SEMA3D: variants seen among roughly 807,000 people sequenced by gnomAD.
SEMA3D encodes semaphorin-3D.
In SEMA3D, 84 loss-of-function variants were observed where a neutral mutation model predicts 100.1. The observed-to-expected ratio is 0.84, with a 90% CI of 0.70 to 1.01. The LOEUF is 1.01. SEMA3D is among the 50% of genes least tolerant of loss of function. SEMA3D has a pLI of 0.00. For missense variants in SEMA3D, 875 were observed against 934.1 expected (o/e 0.94, Z 0.82); for synonymous variants, 312 against 320.7 (o/e 0.97, Z 0.29).
At chr7:85,134,610 T>G (rs1302826140) in intron 2 of SEMA3D, among the ~76,000 whole-genome samples, 1 of 152,030 alleles carries the variant, frequency 6.6e-6, no homozygotes, top group East Asian at 1.9e-4. Flanking sequence ...TTACTTCTTT[T>G]GAACCACATG....
At chr7:85,122,334 C>T (rs763635908) in intron 2 of SEMA3D, among the ~76,000 whole-genome samples, 3 of 151,880 alleles carry the variant, frequency 2.0e-5, no homozygotes, top group Non-Finnish European at 4.4e-5. Flanking sequence ...ATTTTCCCAT[C>T]GCTCTTGTTT....
intron 12 of SEMA3D, among the ~76,000 whole-genome samples, chr7:85,034,092 G>A (rs1235238890): frequency 6.6e-6 from 1 of 152,018 alleles, no homozygotes; most frequent in Non-Finnish European, 1.5e-5. Flanking sequence ...GCAAGTTACT[G>A]TACCTGTCGG....
chr7:85,199,929 T>A, the SEMA3D span, among the ~76,000 whole-genome samples: 9 of 152,146 alleles, frequency 5.9e-5, no homozygotes, highest in Admixed American at 5.9e-4. Context: ...TCTTACGAGA[T>A]CTGATGGTTT....
At chr7:85,049,150 C>G (rs1791088444) in intron 9 of SEMA3D, among the ~76,000 whole-genome samples, 1 of 151,208 alleles carries the variant, frequency 6.6e-6, no homozygotes, top group African/African-American at 2.4e-5. Context: ...ACTCAAACAT[C>G]TAAGGCAAAG....
chr7:85,181,739 T>C, intron 1 of SEMA3D: 1 of 969,066 alleles, frequency 1.0e-6, no homozygotes, highest in Non-Finnish European at 1.2e-6. Context: ...CTTATTGAGC[T>C]TTGCAAATGA....
intron 3 of SEMA3D, among the ~76,000 whole-genome samples, chr7:85,101,944 A>C (rs2116329770): frequency 6.6e-6 from 1 of 152,126 alleles, no homozygotes; most frequent in South Asian, 2.1e-4. Context: ...TGATAATGGA[A>C]TAATATTAAA....
chr7:85,058,457 T>C (rs1791383506), intron 8 of SEMA3D, among the ~76,000 whole-genome samples: 1 of 152,138 alleles, frequency 6.6e-6, no homozygotes, highest in East Asian at 1.9e-4. Context: ...CATGTTTTCT[T>C]TTAAAAAGCA....
At chr7:85,085,984 A>G (rs1271689394) in intron 4 of SEMA3D, among the ~76,000 whole-genome samples, 1 of 152,184 alleles carries the variant, frequency 6.6e-6, no homozygotes, top group Admixed American at 6.5e-5. Flanking sequence ...GCTTCAGAGA[A>G]CTGACTTTTT....
chr7:85,016,471 T>C (rs527247131), intron 15 of SEMA3D, among the ~76,000 whole-genome samples: 68 of 151,830 alleles, frequency 4.5e-4, no homozygotes, highest in Middle Eastern at 3.4e-3. Context: ...TTGAATCTTC[T>C]TTCTCTCACA....
intron 15 of SEMA3D, among the ~76,000 whole-genome samples, chr7:85,015,846 A>G (rs1351315547): frequency 6.6e-6 from 1 of 151,746 alleles, no homozygotes; most frequent in African/African-American, 2.4e-5. Flanking sequence ...TCCTGAAAGT[A>G]ATGCATTACT....
At chr7:85,247,326 A>C in the SEMA3D span, among the ~76,000 whole-genome samples, 1 of 152,208 alleles carries the variant, frequency 6.6e-6, no homozygotes, top group South Asian at 2.1e-4. Flanking sequence ...TTATATAAAA[A>C]ATAAATTTCA....
chr7:85,090,724 A>T (rs925156563), intron 4 of SEMA3D, among the ~76,000 whole-genome samples: 1 of 152,138 alleles, frequency 6.6e-6, no homozygotes, highest in Admixed American at 6.5e-5. Context: ...CTGATTTATA[A>T]TAGTATTTTT....
chr7:85,024,387 G>T (rs1309717416), intron 12 of SEMA3D, among the ~76,000 whole-genome samples: 1 of 151,896 alleles, frequency 6.6e-6, no homozygotes, highest in Non-Finnish European at 1.5e-5. Flanking sequence ...TTGTGCAGTA[G>T]CCAAAGTTTT....
intron 2 of SEMA3D, chr7:85,141,362 G>T (rs890737833): frequency 2.0e-6 from 2 of 983,898 alleles, no homozygotes; most frequent in African/African-American, 3.5e-5. Flanking sequence ...TGCACAGTAT[G>T]CCCTATTTCT....
chr7:85,148,916 C>T (rs1312883511), intron 2 of SEMA3D, among the ~76,000 whole-genome samples: 1 of 151,908 alleles, frequency 6.6e-6, no homozygotes, highest in Non-Finnish European at 1.5e-5. Flanking sequence ...AGCTTTTAAA[C>T]AGGTTAAGCT....
At chr7:85,225,955 A>G in the SEMA3D span, among the ~76,000 whole-genome samples, 1 of 152,218 alleles carries the variant, frequency 6.6e-6, no homozygotes, top group Non-Finnish European at 1.5e-5. Context: ...AAAATCTAGT[A>G]TATAGGATTA....
the SEMA3D span, among the ~76,000 whole-genome samples, chr7:85,199,188 G>T: frequency 2.0e-4 from 30 of 152,078 alleles, no homozygotes; most frequent in Middle Eastern, 6.8e-3. Flanking sequence ...TAATTTTGGG[G>T]ATTTGAAGGG....
At chr7:85,250,219 G>A in the SEMA3D span, among the ~76,000 whole-genome samples, 2 of 144,398 alleles carry the variant, frequency 1.4e-5, no homozygotes, top group Admixed American at 7.1e-5. Context: ...AGGGTCCTAC[G>A]TCCACGGAGT....
chr7:84,999,228 CT>C lies in SEMA3D; in HGVS notation c.*211del. ...CCCTATTTTTAGGATAATTCTTATA[CT>C]TTGCTTGTGCAAGATTTGTTCTTGG... On this transcript the variant is annotated 3_prime_UTR_variant, in exon 19 of 19. Transcript: ENST00000284136. The C allele has an allele frequency of 1.8e-6, 1 of 560,428 alleles. No individual in the cohort carries two copies. The highest frequency in any genetic ancestry group is 2.4e-5 in the South Asian group (1 of 40,986). 34.7% of individuals were successfully genotyped at this position (560,428 alleles called of 1,614,324 possible).
Sources: gnomAD v4.1 joint callset for allele counts (sites outside exome capture counted in the v4.1 genomes callset) on GRCh38, gnomAD v4.1.1 for gene constraint, MANE v1.5 for transcripts, NCBI Gene and HGNC (gene_info 2026-07-23, HGNC 2026-07-21) for gene names.